GRK6: variants seen among roughly 807,000 people sequenced by gnomAD.
GRK6 encodes G protein-coupled receptor kinase 6.
In GRK6, 37 loss-of-function variants were observed where a neutral mutation model predicts 80.8. That is an observed-to-expected ratio of 0.46 (90% CI 0.35 to 0.60). The LOEUF is 0.60. Among genes scored for constraint, GRK6 ranks in the 20% least tolerant of loss-of-function variants. The pLI, the probability that GRK6 is intolerant of heterozygous loss-of-function variation, is 0.00. For missense variants in GRK6, 560 were observed against 784.6 expected (o/e 0.71, Z 3.42); for synonymous variants, 295 against 320.9 (o/e 0.92, Z 0.86).
In GRK6 at chr5:177,433,034, G is replaced by C. The variant is rs1037242172; in HGVS notation, c.441-113G>C. ...TCAGGGGTTAGCAGGAGGACTGGCC[G>C]ACGACGATACCTGTGGGCTAAGCCT... On this transcript the variant is annotated intron_variant, in intron 5 of 15. Coordinates refer to ENST00000355472, the MANE Select transcript of GRK6 (RefSeq NM_001004106.3). 5 of 961,340 alleles carry C rather than the reference G, an allele frequency of 5.2e-6. No individual in the cohort carries two copies. The African/African-American group carries it at 8.0e-5, about 15-fold the overall frequency. The allele number at this position is 961,340 out of a possible 1,614,324, so 59.6% of individuals were successfully genotyped here.
At chr5:177,440,527 G>A (rs1046154476) in intron 13 of GRK6, among the ~76,000 whole-genome samples, 173 bp from the exon 14 acceptor site, 3 of 152,268 alleles carry the variant, frequency 2.0e-5, no homozygotes, top group Non-Finnish European at 4.4e-5. Context: ...CCAGGCTTCG[G>A]AGAGAAGGGC....
At chr5:177,439,865 T>G (rs1749643407) in intron 13 of GRK6, 1 of 152,274 alleles carries the variant, frequency 6.6e-6, no homozygotes. Flanking sequence ...TCATACCTTT[T>G]TAAGGCTGAA....
rs932776790 is a variant in GRK6, at chr5:177,433,356, G to A, written c.543G>A (p.Val181=). The change falls in exon 7 of 16, where the codon GTG becomes GTA. Residue 181 remains valine, a synonymous_variant. Transcript: ENST00000355472. ...LQWKWLERQP[V]TKNTFRQYRV... Reference sequence around the variant, plus strand: ...CCACCCCTTGCCACAGGCAGCCAGTGACCAAAAACACCTTCAGGCAATACC... The same window carrying A: ...CCACCCCTTGCCACAGGCAGCCAGTAACCAAAAACACCTTCAGGCAATACC... 13 of 1,613,890 alleles carry A rather than the reference G, an allele frequency of 8.1e-6. No individual in the cohort carries two copies. The East Asian group carries it at 2.7e-4, about 33-fold the overall frequency.
intron 4 of GRK6, 69 bp downstream of exon 4, chr5:177,432,379 A>G (rs1763943949): frequency 2.1e-6 from 3 of 1,439,066 alleles, no homozygotes; most frequent in Admixed American, 3.4e-5. Context: ...GAGTGACCAC[A>G]GTGTCAGGCT....
chr5:177,432,536 C>T (rs1763954431), intron 4 of GRK6, among the ~76,000 whole-genome samples, 170 bp from the exon 5 acceptor site: 1 of 152,222 alleles, frequency 6.6e-6, no homozygotes, highest in Non-Finnish European at 1.5e-5. Context: ...CTCTGCTGCG[C>T]TCTGCCTCAT....
At position 177,441,741 on chromosome 5, in the gene GRK6, G is replaced by T. The variant is rs1391560036; in HGVS notation, c.1682G>T (p.Cys561Phe). 2.5e-6 allele frequency: 4 copies of T among 1,612,146 alleles called. No individual in the cohort carries two copies. The highest frequency in any genetic ancestry group is 3.4e-6 in the Non-Finnish European group (4 of 1,178,860). ...GTGTCTTCCCCGTCCCTCCAGGATT[G>T]CTGTGGAAACTGCAGCGACAGCGAG... ...LLQRLFSRQD[C>F]CGNCSDSEEE... is the part of the protein sequence containing the mutation. The change falls in exon 16 of 16, where the codon TGC becomes TTC. Residue 561 changes from cysteine to phenylalanine, a missense_variant. Transcript: ENST00000355472.
At chr5:177,430,236 C>T (rs922213563) in intron 1 of GRK6, among the ~76,000 whole-genome samples, 1 of 152,194 alleles carries the variant, frequency 6.6e-6, no homozygotes, top group African/African-American at 2.4e-5. Context: ...GTTTCCCACA[C>T]CTGTTGGGCT....
At chr5:177,436,334 T>TTCCC in intron 12 of GRK6, 53 bp downstream of exon 12, 2 of 1,556,034 alleles carry the variant, frequency 1.3e-6, no homozygotes, top group Non-Finnish European at 1.8e-6. Context: ...GATGCACCTT[T>TTCCC]CCCTCCCTCC....
chr5:177,434,099 G>A lies in GRK6; in HGVS notation c.924G>A (p.Val308=), dbSNP rs1235446710. The change falls in exon 9 of 16, where the codon GTG becomes GTA. Residue 308 remains valine (V), a synonymous_variant. Coordinates refer to ENST00000355472, the MANE Select transcript of GRK6 (RefSeq NM_001004106.3). The part of the protein sequence containing the change: ...GLEDLHRERI[V]YRDLKPENIL... ...AGGACCTGCACCGGGAGCGCATCGT[G>A]TACAGGTGGGGAGGGCTCGGCCACC... is the stretch of plus-strand genomic sequence containing the variant. The A allele has an allele frequency of 2.5e-6, 4 of 1,576,510 alleles. No homozygotes were observed. The highest frequency in any genetic ancestry group is 2.3e-5 in the East Asian group (1 of 44,428).
At chr5:177,433,885 C>A in intron 8 of GRK6, 29 bp from the exon 9 acceptor site, 1 of 1,536,628 alleles carries the variant, frequency 6.5e-7, no homozygotes, top group South Asian at 1.3e-5. Context: ...GCAGCTCCTG[C>A]CTGAGGGCTC....
At chr5:177,430,738 G>A (rs1763852535) in intron 1 of GRK6, 134 bp from the exon 2 acceptor site, 2 of 705,230 alleles carry the variant, frequency 2.8e-6, no homozygotes, top group Non-Finnish European at 5.0e-6. Flanking sequence ...GGAGCGTGCA[G>A]AGGGAAGGCC....
intron 13 of GRK6, among the ~76,000 whole-genome samples, chr5:177,440,271 T>C (rs1301338497): frequency 1.3e-5 from 2 of 152,154 alleles, no homozygotes; most frequent in Admixed American, 6.5e-5. Flanking sequence ...GTCCTCTGAT[T>C]GGCTGGGAGA....
rs1035070369 is a variant in GRK6 at position 177,429,052 on chromosome 5, C to T, written c.53-1820C>T. 6.6e-6 allele frequency among the ~76,000 whole-genome samples: 1 copy of T among 152,142 alleles called. No individual in the cohort carries two copies. ...GGCCATAGGGAGCTGGGTACGAATC[C>T]TGTACCCAGGATTGGTCTCTGGGCT... On this transcript the variant is annotated intron_variant, in intron 1 of 15. Coordinates refer to ENST00000355472, the MANE Select transcript of GRK6 (RefSeq NM_001004106.3). This position sits in a 1 kb window ranked among gnomAD's most constrained non-coding sequence, Gnocchi z 4.3.
intron 9 of GRK6, 99 bp downstream of exon 9, chr5:177,434,203 C>A: frequency 8.4e-7 from 1 of 1,185,376 alleles, no homozygotes; most frequent in Non-Finnish European, 1.1e-6. Context: ...TCAGGCCAGA[C>A]TACAGAAGGA....
At chr5:177,433,314 A>G in intron 6 of GRK6, 33 bp from the exon 7 acceptor site, 1 of 1,613,982 alleles carries the variant, frequency 6.2e-7, no homozygotes, top group Non-Finnish European at 8.5e-7. Context: ...TCTCCTGCTC[A>G]GCCAGCGTTT....
Position 177,432,451 on chromosome 5 carries a change from G to A in GRK6, c.339+141G>A, listed in dbSNP as rs1477079890. ...CACAGCCTGGACAGAGAGTGCCCTG[G>A]AGCTGCTCCAGGCAGCACGGCGGGC... On this transcript the variant is annotated intron_variant, in intron 4 of 15. Coordinates refer to ENST00000355472, the MANE Select transcript of GRK6 (RefSeq NM_001004106.3). The A allele has an allele frequency of 2.4e-5, 22 of 930,582 alleles. No homozygotes were observed. The Admixed American group carries it at 4.6e-4, about 20-fold the overall frequency. The allele number at this position is 930,582 out of a possible 1,614,324, so 57.6% of individuals were successfully genotyped here. A position where few individuals can be genotyped will look rare whatever the true frequency, so the allele number is the denominator to read the frequency against.
rs146298009 is a variant in GRK6, at chr5:177,441,878, T to C, written c.*88T>C. 7.0e-4 allele frequency: 841 copies of C among 1,198,972 alleles called. 1 individual carries two copies. Among genetic ancestry groups the C allele is most frequent in the Non-Finnish European group, 9.0e-4 (734 of 815,316 alleles). The allele number at this position is 1,198,972 out of a possible 1,614,324, so 74.3% of individuals were successfully genotyped here. The stretch of plus-strand genomic sequence containing the variant: ...TTTTGCACAGTGATCTTCCCCATTG[T>C]CCACTCAAGTCGTGGCCTGGGGAAC... On this transcript the variant is annotated 3_prime_UTR_variant, in exon 16 of 16. Coordinates refer to ENST00000355472, the MANE Select transcript of GRK6 (RefSeq NM_001004106.3).
intron 12 of GRK6, 52 bp from the exon 13 acceptor site, chr5:177,436,341 C>CA: frequency 6.2e-7 from 1 of 1,600,298 alleles, no homozygotes; most frequent in Non-Finnish European, 8.5e-7. Flanking sequence ...CTTTCCCTCC[C>CA]TCCCACCCAC....
chr5:177,441,006 C>T lies in GRK6; in HGVS notation c.1630C>T (p.Pro544Ser). 1.2e-6 allele frequency: 2 copies of T among 1,614,030 alleles called. No individual in the cohort carries two copies. Among genetic ancestry groups the T allele is most frequent in the Non-Finnish European group, 1.7e-6 (2 of 1,180,016 alleles). ...PPDLDWKGQP[P>S]APPKKGLLQR... ...AGACCTGGACTGGAAGGGCCAGCCACCTGCACCTCCTAAAAAGGGACTGCT... is the reference window on the plus strand; with the variant it reads ...AGACCTGGACTGGAAGGGCCAGCCATCTGCACCTCCTAAAAAGGGACTGCT... Residue 544 changes from proline to serine, a missense_variant, in exon 15 of 16, where the codon CCT becomes TCT. By Grantham distance (74) the Pro-to-Ser change is moderately conservative. Coordinates refer to ENST00000355472, the MANE Select transcript of GRK6 (RefSeq NM_001004106.3).
Sources: allele counts gnomAD v4.1 joint callset (sites outside exome capture counted in the v4.1 genomes callset), GRCh38; gene constraint gnomAD v4.1.1; non-coding constraint Gnocchi (gnomAD v3.1); transcripts MANE v1.5; gene names NCBI Gene and HGNC (gene_info 2026-07-23, HGNC 2026-07-21).